Variants in ADGRA3 observed in about 807,000 individuals in gnomAD.
ADGRA3 encodes adhesion G protein-coupled receptor A3.
ADGRA3 carries 56 observed loss-of-function variants against 119.8 expected under a neutral mutation model. The ratio of observed to expected loss-of-function variants is 0.47; its 90% CI spans 0.38 to 0.58. The LOEUF is 0.58. Among genes scored for constraint, ADGRA3 ranks in the 20% least tolerant of loss-of-function variants. ADGRA3 has a pLI of 0.00. For synonymous variants in ADGRA3, 607 were observed against 623.8 expected (o/e 0.97, Z 0.40); for missense variants, 1,516 against 1,649.0 (o/e 0.92, Z 1.40).
chr4:22,412,155 T>C (rs560224690), intron 14 of ADGRA3, among the ~76,000 whole-genome samples: 3 of 152,262 alleles, frequency 2.0e-5, no homozygotes, highest in African/African-American at 4.8e-5. Context: ...AGAAATAACA[T>C]AGAAGTTCCT....
intron 7 of ADGRA3, among the ~76,000 whole-genome samples, chr4:22,438,675 C>A (rs562909044): frequency 6.6e-6 from 1 of 152,214 alleles, no homozygotes; most frequent in South Asian, 2.1e-4. Flanking sequence ...TGCTATACGA[C>A]GCATGAGAAT....
intron 1 of ADGRA3, among the ~76,000 whole-genome samples, chr4:22,496,621 T>C (rs781565878): frequency 2.6e-5 from 4 of 152,200 alleles, no homozygotes; most frequent in African/African-American, 4.8e-5. Context: ...TGAAATTGCT[T>C]AATATTAAGT....
intron 2 of ADGRA3, 141 bp downstream of exon 2, chr4:22,473,631 A>C: frequency 1.8e-6 from 1 of 549,512 alleles, no homozygotes; most frequent in South Asian, 3.6e-5. Flanking sequence ...AAAGTTCTTA[A>C]AATTTTTCAT....
rs78343705 is a variant in ADGRA3, at chr4:22,511,345, T to C, written c.257+4183A>G. 4.5e-4 allele frequency among the ~76,000 whole-genome samples: 69 copies of C among 152,296 alleles called. 1 individual carries two copies. In the East Asian group the frequency reaches 0.013, roughly 28 times the overall value. ...TTGTTCAATTTCTGTGTTATAATAATAGAAGCGGTTTAATCCCTCAATACA... is the reference window on the plus strand; with the variant it reads ...TTGTTCAATTTCTGTGTTATAATAACAGAAGCGGTTTAATCCCTCAATACA... On this transcript the variant is annotated intron_variant, in intron 1 of 18. Coordinates refer to ENST00000334304, the MANE Select transcript of ADGRA3 (RefSeq NM_145290.4).
At chr4:22,511,876 G>A (rs1003505416) in intron 1 of ADGRA3, among the ~76,000 whole-genome samples, 5 of 135,952 alleles carry the variant, frequency 3.7e-5, no homozygotes, top group Admixed American at 1.5e-4. Flanking sequence ...TTTCTTCACA[G>A]TTATATTTTT....
At chr4:22,469,799 C>A (rs1168908813) in intron 2 of ADGRA3, among the ~76,000 whole-genome samples, 1 of 152,150 alleles carries the variant, frequency 6.6e-6, no homozygotes, top group Non-Finnish European at 1.5e-5. Context: ...GCTTCCACCC[C>A]ATCCCAAACC....
intron 1 of ADGRA3, among the ~76,000 whole-genome samples, chr4:22,506,629 G>A (rs1034976865): frequency 2.6e-5 from 4 of 152,106 alleles, no homozygotes; most frequent in African/African-American, 9.7e-5. Context: ...TACTAAAAGT[G>A]GCCAATACAG....
Position 22,428,910 on chromosome 4 carries a change from T to C in ADGRA3, c.1444-4558A>G, listed in dbSNP as rs538994194. 3.9e-5 allele frequency among the ~76,000 whole-genome samples: 6 copies of C among 152,202 alleles called. No individual in the cohort carries two copies. In the East Asian group the frequency reaches 7.7e-4, roughly 20 times the overall value. On this transcript the variant is annotated intron_variant, in intron 10 of 18. Transcript: ENST00000334304. ...TTAAAGCTCTGATTTTACTGAGGTA[T>C]AGGAGTAAAGAGAATGATGAGGATG...
At chr4:22,485,023 AAT>A (rs1385657961) in intron 1 of ADGRA3, among the ~76,000 whole-genome samples, 1 of 152,088 alleles carries the variant, frequency 6.6e-6, no homozygotes, top group Non-Finnish European at 1.5e-5. Flanking sequence ...CCAGAAGACT[AAT>A]TTTCTTAAGT....
chr4:22,407,700 T>A (rs1714998097), intron 14 of ADGRA3, among the ~76,000 whole-genome samples: 1 of 152,142 alleles, frequency 6.6e-6, no homozygotes, highest in Admixed American at 6.5e-5. Context: ...AAACATCAAA[T>A]GTGTGTTAAA....
At chr4:22,479,407 G>T (rs1446180739) in intron 1 of ADGRA3, among the ~76,000 whole-genome samples, 2 of 151,670 alleles carry the variant, frequency 1.3e-5, no homozygotes, top group African/African-American at 4.9e-5. Context: ...AGCTTGCAGT[G>T]AGCCGAGATC....
chr4:22,401,839 A>G (rs1306998969), intron 15 of ADGRA3, among the ~76,000 whole-genome samples: 2 of 152,120 alleles, frequency 1.3e-5, no homozygotes, highest in South Asian at 2.1e-4. Context: ...ATTCTCCACA[A>G]TAAGAAACGC....
At position 22,400,851 on chromosome 4, in the gene ADGRA3, A is replaced by G. The variant is rs536804424; in HGVS notation, c.2481+580T>C. On this transcript the variant is annotated intron_variant, in intron 16 of 18. Coordinates refer to ENST00000334304, the MANE Select transcript of ADGRA3 (RefSeq NM_145290.4). ...TACTTCTTGCTATCATGCATGTGAA[A>G]AAAATATACAAACAAAGAAATAAAA... Among the ~76,000 whole-genome samples the G allele has an allele frequency of 5.5e-4, 84 of 152,324 alleles. 1 individual carries two copies. Among genetic ancestry groups the G allele is most frequent in the African/African-American group, 1.8e-3 (75 of 41,580 alleles).
At chr4:22,404,755 T>C (rs912243672) in intron 14 of ADGRA3, among the ~76,000 whole-genome samples, 4 of 152,210 alleles carry the variant, frequency 2.6e-5, no homozygotes, top group African/African-American at 9.7e-5. Flanking sequence ...TAGCCTGTAA[T>C]ACATGGCCTC....
chr4:22,388,001 A>G lies in ADGRA3; in HGVS notation c.3670T>C (p.Tyr1224His). 2 of 1,614,110 alleles carry G rather than the reference A, an allele frequency of 1.2e-6. No homozygotes were observed. The highest frequency in any genetic ancestry group is 1.7e-6 in the Non-Finnish European group (2 of 1,180,004). ...NEGHSRSRRA[Y>H]LAYRERQYNP... is the part of the protein sequence containing the mutation. The stretch of plus-strand genomic sequence containing the variant: ...TACTGTCTCTCTCTGTAGGCTAAAT[A>G]AGCTCTTCGGCTCCTCGAGTGTCCT... The change falls in exon 19 of 19, where the codon TAT becomes CAT. Residue 1224 changes from tyrosine to histidine, a missense_variant. Around this residue, in one of 2 missense-constraint regions of ADGRA3, gnomAD observed 1,088 missense variants for 1,107.1 expected, o/e 0.98. Transcript: ENST00000334304.
Position 22,515,589 on chromosome 4 carries a change from T to C in ADGRA3, c.196A>G (p.Ser66Gly). 6.3e-7 allele frequency: 1 copy of C among 1,593,860 alleles called. No homozygotes were observed. Among genetic ancestry groups the C allele is most frequent in the Non-Finnish European group, 8.5e-7 (1 of 1,170,718 alleles). Residue 66 changes from serine to glycine, a missense_variant, in exon 1 of 19, where the codon AGC becomes GGC. By Grantham distance (56) the Ser-to-Gly change is moderately conservative (BLOSUM62 0). Around this residue, in one of 2 missense-constraint regions of ADGRA3, gnomAD observed 428 missense variants for 541.9 expected, o/e 0.79. Coordinates refer to ENST00000334304, the MANE Select transcript of ADGRA3 (RefSeq NM_145290.4). ...AGAAEGKVVC[S>G]SLELAQVLPP... ...AGGACCTGCGCGAGTTCCAGGCTGC[T>C]GCACACCACCTTGCCCTCGGCGGCG...
intron 1 of ADGRA3, among the ~76,000 whole-genome samples, chr4:22,479,398 G>A (rs1718168812): frequency 6.6e-6 from 1 of 151,800 alleles, no homozygotes; most frequent in Admixed American, 6.6e-5. Flanking sequence ...GGGAGGCGGA[G>A]CTTGCAGTGA....
intron 1 of ADGRA3, among the ~76,000 whole-genome samples, chr4:22,479,872 A>G (rs781422039): frequency 5.9e-5 from 9 of 152,166 alleles, no homozygotes; most frequent in Non-Finnish European, 1.0e-4. Flanking sequence ...GGAAACCATC[A>G]TTCCCAACAA....
chr4:22,415,283 G>A (rs1025517295), intron 12 of ADGRA3, among the ~76,000 whole-genome samples: 1 of 152,108 alleles, frequency 6.6e-6, no homozygotes, highest in African/African-American at 2.4e-5. Context: ...GCAAATGATT[G>A]ACTTTAGAAT....
Sources: gnomAD v4.1 joint callset for allele counts (sites outside exome capture counted in the v4.1 genomes callset) on GRCh38, gnomAD v4.1.1 for gene constraint, gnomAD v4.1.1 regional missense constraint, MANE v1.5 for transcripts, NCBI Gene and HGNC (gene_info 2026-07-23, HGNC 2026-07-21) for gene names.